GPR179: variants seen among roughly 807,000 people sequenced by gnomAD.
GPR179 encodes G protein-coupled receptor 179.
Under a neutral mutation model 70.8 loss-of-function variants are expected in GPR179, and 52 were observed. The ratio of observed to expected loss-of-function variants is 0.73; its 90% CI spans 0.59 to 0.93. The LOEUF (loss-of-function observed/expected upper bound fraction) is 0.93. GPR179 is among the 40% of genes least tolerant of loss of function. The pLI is 0.00. For synonymous variants in GPR179, 1,123 were observed against 1,169.0 expected (o/e 0.96, Z 0.80); for missense variants, 2,734 against 2,966.8 (o/e 0.92, Z 1.82).
Position 38,329,604 on chromosome 17 carries a change from G to C in GPR179, c.3965C>G (p.Pro1322Arg), listed in dbSNP as rs746358991. 13 of 1,613,900 alleles carry C rather than the reference G, an allele frequency of 8.1e-6. No homozygotes were observed. Among genetic ancestry groups the C allele is most frequent in the South Asian group, 3.3e-5 (3 of 91,086 alleles). ...ACCTCCTCGATCGGCACTCTCCCAG[G>C]GACACACTGCTTCCTGCTCCCTCAC... ...RLVREQEAVC[P>R]WESADRGGLS... Residue 1322 changes from proline to arginine, a missense_variant, in exon 11 of 11, where the codon CCC (proline) becomes CGC (arginine). Physicochemically the swap from Pro to Arg is moderately radical, Grantham distance 103 (BLOSUM62 -2). Coordinates refer to ENST00000616987, the MANE Select transcript of GPR179 (RefSeq NM_001004334.4).
In GPR179 at chr17:38,327,543, T is replaced by A; in HGVS notation, c.6026A>T (p.Lys2009Ile). The A allele has an allele frequency of 1.2e-6, 2 of 1,614,186 alleles. No homozygotes were observed. The highest frequency in any genetic ancestry group is 2.7e-5 in the African/African-American group (2 of 75,032). Residue 2009 changes from lysine to isoleucine, a missense_variant, in exon 11 of 11, where the codon AAA becomes ATA. By Grantham distance (102) the Lys-to-Ile change is moderately radical (BLOSUM62 -3). Coordinates refer to ENST00000616987, the MANE Select transcript of GPR179 (RefSeq NM_001004334.4). ...PWDVPDAGVY[K>I]SDSSAKAETC... ...CTCAGCCTTGGCACTGCTGTCAGAT[T>A]TATACACACCTGCATCAGGAACATC... is the stretch of plus-strand genomic sequence containing the variant.
intron 2 of GPR179, chr17:38,339,212 A>C: frequency 1.9e-6 from 1 of 525,174 alleles, no homozygotes; most frequent in Non-Finnish European, 3.4e-6. Context: ...AGCAGGAGGA[A>C]TAGGGGGTGG....
rs528758491 is a variant in GPR179 at position 38,335,728 on chromosome 17, T to C, written c.1297-28A>G. ...GGTGGGAAGGGGCAAAAATCTCTGC[T>C]CTCTACTATGCTTCTGCTGTGGGCC... On this transcript the variant is annotated intron_variant, in intron 5 of 10. Coordinates refer to ENST00000616987, the MANE Select transcript of GPR179 (RefSeq NM_001004334.4). 4.8e-5 allele frequency: 69 copies of C among 1,448,884 alleles called. No homozygotes were observed. In the East Asian group the frequency reaches 1.5e-3, roughly 32 times the overall value. 89.8% of individuals were successfully genotyped at this position (1,448,884 alleles called of 1,614,324 possible). A position where few individuals can be genotyped will look rare whatever the true frequency, so the allele number is the denominator to read the frequency against.
chr17:38,336,021 G>A, intron 5 of GPR179, 55 bp downstream of exon 5: 1 of 1,298,994 alleles, frequency 7.7e-7, no homozygotes, highest in South Asian at 1.2e-5. Flanking sequence ...AGGGTGCCAG[G>A]TTTTGGCTAT....
In GPR179 at chr17:38,334,343, T is replaced by C. The variant is rs1395651370; in HGVS notation, c.1785-305A>G. On this transcript the variant is annotated intron_variant, in intron 8 of 10. Coordinates refer to ENST00000616987, the MANE Select transcript of GPR179 (RefSeq NM_001004334.4). This position sits in a 1 kb window ranked among gnomAD's most constrained non-coding sequence, Gnocchi z 4.7. ...CCTCCACCACAGGGTCTGGTCGTTA[T>C]GGACAAACAGCAGCCTGCTGCTCTT... Among the ~76,000 whole-genome samples, 3 of 152,326 alleles carry C rather than the reference T, an allele frequency of 2.0e-5. No individual in the cohort carries two copies. Among genetic ancestry groups the C allele is most frequent in the African/African-American group, 2.4e-5 (1 of 41,572 alleles).
In GPR179 at chr17:38,329,284, G is replaced by T. The variant is rs1362128688; in HGVS notation, c.4285C>A (p.Pro1429Thr). ...KPGGDLESLCPWESTDFRGPS... is the reference protein window; with the variant it reads ...KPGGDLESLCTWESTDFRGPS... ...CCCCGGAAATCTGTACTCTCCCATG[G>T]ACAAAGAGACTCCAAGTCTCCTCCC... The change falls in exon 11 of 11, where the codon CCA becomes ACA. Residue 1429 changes from proline (P) to threonine (T), a missense_variant. Pro to Thr is a conservative substitution (Grantham distance 38, BLOSUM62 -1). Coordinates refer to ENST00000616987, the MANE Select transcript of GPR179 (RefSeq NM_001004334.4). 2 of 1,613,088 alleles carry T rather than the reference G, an allele frequency of 1.2e-6. No individual in the cohort carries two copies. Among genetic ancestry groups the T allele is most frequent in the Non-Finnish European group, 1.7e-6 (2 of 1,179,604 alleles).
At chr17:38,337,349 G>A (rs1220639397) in intron 3 of GPR179, 136 bp from the exon 4 acceptor site, 4 of 1,287,798 alleles carry the variant, frequency 3.1e-6, no homozygotes, top group Non-Finnish European at 4.2e-6. Context: ...GTGGGAATGG[G>A]TGCTTCCTTG....
rs1354752543 is a variant in GPR179, at chr17:38,326,014, T to G, written c.*451A>C. On this transcript the variant is annotated 3_prime_UTR_variant, in exon 11 of 11. Transcript: ENST00000616987. ...CTTCTGTGGTCCACCATCCCTACGT[T>G]GCCAACACTTTGTATGGTTTAGTTT... is the stretch of plus-strand genomic sequence containing the variant. 6.2e-6 allele frequency: 1 copy of G among 160,602 alleles called. No homozygotes were observed. The highest frequency in any genetic ancestry group is 2.4e-5 in the African/African-American group (1 of 41,764). 9.9% of individuals were successfully genotyped at this position (160,602 alleles called of 1,614,324 possible).
rs764251404 is a variant in GPR179 at position 38,334,021 on chromosome 17, G to A, written c.1802C>T (p.Ser601Phe). The change falls in exon 9 of 11, where the codon TCT (serine) becomes TTT (phenylalanine). Residue 601 changes from serine (S) to phenylalanine (F), a missense_variant. Ser to Phe is a radical substitution (Grantham distance 155, BLOSUM62 -2). Transcript: ENST00000616987. The surrounding 1 kb of genome is among the most constrained non-coding windows in gnomAD (Gnocchi z 4.7). Reference sequence around the variant, plus strand: ...GAGGAGGGTCCAGTCCGGGTGCAGAGAGGGAACCAGCACAAACCTGGGGCG... The same window carrying A: ...GAGGAGGGTCCAGTCCGGGTGCAGAAAGGGAACCAGCACAAACCTGGGGCG... ...FHTARFVLVP[S>F]LHPDWTLLLF... The A allele has an allele frequency of 3.1e-6, 5 of 1,613,904 alleles. No individual in the cohort carries two copies. Among genetic ancestry groups the A allele is most frequent in the Non-Finnish European group, 4.2e-6 (5 of 1,179,860 alleles).
rs747943087 is a variant in GPR179, at chr17:38,337,667, G to A, written c.957C>T (p.Cys319=). ...GGCTTGCCCCGTAGAATCCAGGTCGGCAGCGGCAGAGGTAGCGGCCAAGAA... is the reference window on the plus strand; with the variant it reads ...GGCTTGCCCCGTAGAATCCAGGTCGACAGCGGCAGAGGTAGCGGCCAAGAA... ...GFVLGRYLCR[C]RPGFYGASPS... is the part of the protein sequence containing the mutation. Residue 319 remains cysteine (C), a synonymous_variant, in exon 3 of 11, where the codon TGC becomes TGT. Coordinates refer to ENST00000616987, the MANE Select transcript of GPR179 (RefSeq NM_001004334.4). 6.2e-6 allele frequency: 10 copies of A among 1,613,334 alleles called. No individual in the cohort carries two copies. The highest frequency in any genetic ancestry group is 2.2e-5 in the East Asian group (1 of 44,848).
rs995710392 is a variant in GPR179 at position 38,326,336 on chromosome 17, C to G, written c.*129G>C. ...GCAGTTTGTCTTTGGGATGGGTTGA[C>G]TTCTGGTCTTCTCAAGGAGGGGAAG... is the stretch of plus-strand genomic sequence containing the variant. On this transcript the variant is annotated 3_prime_UTR_variant, in exon 11 of 11. Transcript: ENST00000616987. 3.0e-6 allele frequency: 2 copies of G among 675,252 alleles called. No individual in the cohort carries two copies. The highest frequency in any genetic ancestry group is 2.5e-6 in the Non-Finnish European group (1 of 398,318). 41.8% of individuals were successfully genotyped at this position (675,252 alleles called of 1,614,324 possible).
Position 38,329,185 on chromosome 17 carries a change from CT to C in GPR179, c.4383del (p.Val1462CysfsTer26). 2.5e-6 allele frequency: 4 copies of C among 1,614,038 alleles called. No homozygotes were observed. The highest frequency in any genetic ancestry group is 3.4e-6 in the Non-Finnish European group (4 of 1,180,004). ...GCATCTCCTGCCTCCCACAGACACA[CT>C]TCAGCAATGCCACTGCCCAAACTCC... ...CSGSLGSGIAEVCLWEAGDAP... is the reference protein window; with the variant it reads ...CSGSLGSGIAXVCLWEAGDAP... On this transcript the variant is annotated frameshift_variant, in exon 11 of 11. Coordinates refer to ENST00000616987, the MANE Select transcript of GPR179 (RefSeq NM_001004334.4). LOFTEE classifies it low-confidence loss of function (END_TRUNC).
In GPR179 at chr17:38,333,411, A is replaced by C. The variant is rs908344072; in HGVS notation, c.1891-14T>G. ...CAGCTTCCAGAACTGGCAGGGGTGC[A>C]TAAGAGTGGGAAAAAGACTCGCCCT... is the stretch of plus-strand genomic sequence containing the variant. On this transcript the variant is annotated splice_polypyrimidine_tract_variant and intron_variant, in intron 9 of 10. Coordinates refer to ENST00000616987, the MANE Select transcript of GPR179 (RefSeq NM_001004334.4). 8 of 1,611,522 alleles carry C rather than the reference A, an allele frequency of 5.0e-6. No homozygotes were observed. The highest frequency in any genetic ancestry group is 2.7e-5 in the African/African-American group (2 of 74,822).
At chr17:38,339,216 G>T in intron 2 of GPR179, 1 of 528,720 alleles carries the variant, frequency 1.9e-6, no homozygotes, top group Non-Finnish European at 3.3e-6. Context: ...GGAGGAATAG[G>T]GGGTGGGGGG....
rs753215208 is a variant in GPR179 at position 38,337,689 on chromosome 17, A to G, written c.935T>C (p.Leu312Pro). ...CVPLESQGFV[L>P]GRYLCRCRPG... Reference sequence around the variant, plus strand: ...TCGGCAGCGGCAGAGGTAGCGGCCAAGAACAAAGCCCTGACTCTCCAGGGG... The same window carrying G: ...TCGGCAGCGGCAGAGGTAGCGGCCAGGAACAAAGCCCTGACTCTCCAGGGG... The change falls in exon 3 of 11, where the codon CTT becomes CCT. Residue 312 changes from leucine to proline, a missense_variant. Coordinates refer to ENST00000616987, the MANE Select transcript of GPR179 (RefSeq NM_001004334.4). 1.9e-6 allele frequency: 3 copies of G among 1,613,876 alleles called. No homozygotes were observed. The South Asian group carries it at 3.3e-5, about 18-fold the overall frequency.
rs1238263311 is a variant in GPR179 at position 38,343,676 on chromosome 17, C to G, written c.114G>C (p.Leu38=). The change falls in exon 1 of 11, where the codon CTG becomes CTC. Residue 38 remains leucine (L), a synonymous_variant. Transcript: ENST00000616987. This position sits in a 1 kb window ranked among gnomAD's most constrained non-coding sequence, Gnocchi z 4.2. ...GPRPIRSLPP[L]SSQVKPGSVP... is the part of the protein sequence containing the mutation. ...CAGATCCTGGCTTGACTTGGGAAGACAGAGGGGGCAGAGAGCGGATGGGCC... is the reference window on the plus strand; with the variant it reads ...CAGATCCTGGCTTGACTTGGGAAGAGAGAGGGGGCAGAGAGCGGATGGGCC... 1 of 1,610,498 alleles carries G rather than the reference C, an allele frequency of 6.2e-7. No homozygotes were observed.
chr17:38,331,508 G>A lies in GPR179; in HGVS notation c.2061C>T (p.Ala687=). 1 of 1,609,852 alleles carries A rather than the reference G, an allele frequency of 6.2e-7. No individual in the cohort carries two copies. Among genetic ancestry groups the A allele is most frequent in the Non-Finnish European group, 8.5e-7 (1 of 1,176,976 alleles). ...DIRDELKKLY[A]QLEVHKTKEM... ...CCTTGGTTTTGTGGACCTCTAGCTG[G>A]GCATAGAGCTTCTTCAGCTCGTCCT... The change falls in exon 11 of 11, where the codon GCC becomes GCT. Residue 687 remains alanine, a synonymous_variant. Transcript: ENST00000616987.
Position 38,334,670 on chromosome 17 carries a change from G to A in GPR179, c.1784+34C>T, listed in dbSNP as rs769046948. The A allele has an allele frequency of 1.2e-6, 2 of 1,609,544 alleles. No individual in the cohort carries two copies. Among genetic ancestry groups the A allele is most frequent in the Non-Finnish European group, 1.7e-6 (2 of 1,176,882 alleles). On this transcript the variant is annotated intron_variant, in intron 8 of 10. Transcript: ENST00000616987. This position sits in a 1 kb window ranked among gnomAD's most constrained non-coding sequence, Gnocchi z 4.7. ...GAGAGGTGAGGAGTACTGTTAGAGT[G>A]GAAGGGGGTGTGGGGAGGTGAGTCC...
Position 38,327,802 on chromosome 17 carries a change from C to G in GPR179, c.5767G>C (p.Gly1923Arg). The change falls in exon 11 of 11, where the codon GGT (glycine) becomes CGT (arginine). Residue 1923 changes from glycine to arginine, a missense_variant. Physicochemically the swap from Gly to Arg is moderately radical, Grantham distance 125. Coordinates refer to ENST00000616987, the MANE Select transcript of GPR179 (RefSeq NM_001004334.4). ...TGGGTTATGTGTTCTGGGAAGGAACCTGTCTTTGGGTCTTGTCTCAGGTCC... is the reference window on the plus strand; with the variant it reads ...TGGGTTATGTGTTCTGGGAAGGAACGTGTCTTTGGGTCTTGTCTCAGGTCC... Reference protein sequence around the residue: ...KGDLRQDPKTGSFPEHITQEK... With the variant: ...KGDLRQDPKTRSFPEHITQEK... 1 of 1,614,138 alleles carries G rather than the reference C, an allele frequency of 6.2e-7. No homozygotes were observed. The highest frequency in any genetic ancestry group is 1.1e-5 in the South Asian group (1 of 91,078).
Sources: gnomAD v4.1 joint callset for allele counts (sites outside exome capture counted in the v4.1 genomes callset) on GRCh38, gnomAD v4.1.1 for gene constraint, Gnocchi (gnomAD v3.1) non-coding constraint, MANE v1.5 for transcripts, NCBI Gene and HGNC (gene_info 2026-07-23, HGNC 2026-07-21) for gene names.